The following ZNF804B variants were observed in gnomAD, a reference collection of about 807,000 sequenced individuals.
ZNF804B encodes the protein zinc finger 804B.
Under a neutral mutation model 101.4 loss-of-function variants are expected in ZNF804B, and 80 were observed. The observed-to-expected ratio is 0.79, with a 90% CI of 0.66 to 0.95. The LOEUF (loss-of-function observed/expected upper bound fraction) is 0.95, where lower values mean the gene tolerates loss of function less well. Among genes scored for constraint, ZNF804B ranks in the 40% least tolerant of loss-of-function variants. The probability of loss-of-function intolerance (pLI) is 0.00; values close to 1 mark genes in which losing one functional copy is unlikely to be tolerated. For synonymous variants in ZNF804B, 622 were observed against 558.8 expected (o/e 1.11, Z -1.59); for missense variants, 1,673 against 1,561.9 (o/e 1.07, Z -1.20).
intron 1 of ZNF804B, among the ~76,000 whole-genome samples, chr7:89,007,246 A>G (rs1382771347): frequency 1.3e-5 from 2 of 151,740 alleles, no homozygotes; most frequent in Non-Finnish European, 1.5e-5. Flanking sequence ...ATGAGATTCC[A>G]TCTCTTAATT....
chr7:88,966,002 A>G (rs1306248798), intron 1 of ZNF804B, among the ~76,000 whole-genome samples: 2 of 151,470 alleles, frequency 1.3e-5, no homozygotes, highest in African/African-American at 4.8e-5. Flanking sequence ...CTTTTAATAT[A>G]TGTGTTATCT....
rs191647382 is a variant in ZNF804B, at chr7:88,991,439, G to A, written c.109-226716G>A. Among the ~76,000 whole-genome samples, 216 of 152,270 alleles carry A rather than the reference G, an allele frequency of 1.4e-3. 1 individual carries two copies. The highest frequency in any genetic ancestry group is 5.1e-3 in the African/African-American group (212 of 41,570). ...ATTCAGTGGATGATGTATATGCCCTGCTGGGCTTGACTCTGTGACGCTCTG... is the reference window on the plus strand; with the variant it reads ...ATTCAGTGGATGATGTATATGCCCTACTGGGCTTGACTCTGTGACGCTCTG... On this transcript the variant is annotated intron_variant, in intron 1 of 3. Transcript: ENST00000333190.
rs749438461 is a variant in ZNF804B at position 89,333,710 on chromosome 7, A to G, written c.728A>G (p.Glu243Gly). 6.2e-6 allele frequency: 10 copies of G among 1,613,574 alleles called. No homozygotes were observed. The highest frequency in any genetic ancestry group is 7.6e-6 in the Non-Finnish European group (9 of 1,179,736). Residue 243 changes from glutamate (E) to glycine (G), a missense_variant, in exon 4 of 4, where the codon GAA (glutamate) becomes GGA (glycine). By Grantham distance (98) the Glu-to-Gly change is moderately conservative. Transcript: ENST00000333190. Reference protein sequence around the residue: ...SSASVFSENTEETHDCNKSPI... With the variant: ...SSASVFSENTGETHDCNKSPI... ...GCATCAGTTTTCAGTGAGAACACAG[A>G]AGAAACCCATGATTGTAACAAGTCA... is the stretch of plus-strand genomic sequence containing the variant.
At chr7:88,945,149 A>G (rs1793108914) in intron 1 of ZNF804B, among the ~76,000 whole-genome samples, 1 of 152,032 alleles carries the variant, frequency 6.6e-6, no homozygotes, top group South Asian at 2.1e-4. Context: ...TGTTTTAGTC[A>G]TGAAGTCTTT....
At chr7:88,905,575 C>G (rs1198095584) in intron 1 of ZNF804B, among the ~76,000 whole-genome samples, 2 of 151,966 alleles carry the variant, frequency 1.3e-5, no homozygotes, top group Admixed American at 1.3e-4. Flanking sequence ...GCCAGGCTAG[C>G]CTTGAACTGC....
At chr7:89,193,870 T>C (rs1249419143) in intron 1 of ZNF804B, among the ~76,000 whole-genome samples, 1 of 152,068 alleles carries the variant, frequency 6.6e-6, no homozygotes, top group Non-Finnish European at 1.5e-5. Flanking sequence ...TAGTTCTAGA[T>C]CCCTGAGGAA....
chr7:88,876,661 T>G (rs1203115151), intron 1 of ZNF804B, among the ~76,000 whole-genome samples: 9 of 152,058 alleles, frequency 5.9e-5, no homozygotes, highest in Non-Finnish European at 1.0e-4. Flanking sequence ...TTGTTTGCTG[T>G]TAAGTTCATG....
At chr7:89,083,001 T>C in intron 1 of ZNF804B, among the ~76,000 whole-genome samples, 1 of 151,804 alleles carries the variant, frequency 6.6e-6, no homozygotes, top group Middle Eastern at 3.4e-3. Context: ...TTAATAATAA[T>C]CTGTGTTTTG....
chr7:89,207,996 T>C (rs1036915317), intron 1 of ZNF804B, among the ~76,000 whole-genome samples: 4 of 152,138 alleles, frequency 2.6e-5, no homozygotes, highest in Non-Finnish European at 4.4e-5. Flanking sequence ...GAGAAACTGA[T>C]AGTCTTTCCA....
intron 1 of ZNF804B, among the ~76,000 whole-genome samples, chr7:88,999,659 A>G (rs941815757): frequency 6.6e-6 from 1 of 152,012 alleles, no homozygotes; most frequent in African/African-American, 2.4e-5. Flanking sequence ...TTAAAATAGC[A>G]TTTTATGGAG....
chr7:88,846,700 CAAAA>C (rs1188566485), intron 1 of ZNF804B, among the ~76,000 whole-genome samples: 1 of 148,410 alleles, frequency 6.7e-6, no homozygotes, highest in Non-Finnish European at 1.5e-5. Context: ...AGATGAAAAA[CAAAA>C]AAAGGGTATA....
chr7:89,304,597 A>G (rs1180632610), intron 2 of ZNF804B, among the ~76,000 whole-genome samples: 1 of 151,932 alleles, frequency 6.6e-6, no homozygotes, highest in Non-Finnish European at 1.5e-5. Context: ...TAAAAAAGCT[A>G]AAGAGGAACT....
intron 2 of ZNF804B, among the ~76,000 whole-genome samples, chr7:89,267,131 C>T (rs925380754): frequency 6.6e-6 from 1 of 152,134 alleles, no homozygotes; most frequent in Non-Finnish European, 1.5e-5. Flanking sequence ...ATATTCCCTC[C>T]TTTTCATTTG....
intron 1 of ZNF804B, among the ~76,000 whole-genome samples, chr7:88,889,975 TTTCA>T (rs1218109474): frequency 4.6e-5 from 7 of 152,156 alleles, no homozygotes; most frequent in African/African-American, 1.7e-4. Flanking sequence ...AGGGGTCTAG[TTTCA>T]TTCTTCTACA....
chr7:89,265,316 GCA>G (rs1562931406), intron 2 of ZNF804B, among the ~76,000 whole-genome samples: 1 of 151,888 alleles, frequency 6.6e-6, no homozygotes, highest in Admixed American at 6.6e-5. Flanking sequence ...GCGCACACAT[GCA>G]CGTGCACAGG....
chr7:89,271,721 C>T (rs142474504), intron 2 of ZNF804B, among the ~76,000 whole-genome samples: 18,532 of 151,990 alleles, frequency 0.12, 1,215 homozygotes, highest in Middle Eastern at 0.26. Context: ...GGTTGATAAG[C>T]TATTAATTAT....
chr7:88,781,768 G>A (rs1271371227), intron 1 of ZNF804B, among the ~76,000 whole-genome samples: 1 of 152,090 alleles, frequency 6.6e-6, no homozygotes, highest in Non-Finnish European at 1.5e-5. Context: ...TATGAAACCT[G>A]GGATTCTTTC....
Position 89,080,293 on chromosome 7 carries a change from T to C in ZNF804B, c.109-137862T>C, listed in dbSNP as rs1332896846. 3.0e-5 allele frequency among the ~76,000 whole-genome samples: 4 copies of C among 131,708 alleles called. No individual in the cohort carries two copies. The East Asian group carries it at 1.1e-3, about 36-fold the overall frequency. The allele number at this position is 131,708 out of a possible 152,430, so 86.4% of individuals were successfully genotyped here. A position where few individuals can be genotyped will look rare whatever the true frequency, so the allele number is the denominator to read the frequency against. On this transcript the variant is annotated intron_variant, in intron 1 of 3. Coordinates refer to ENST00000333190, the MANE Select transcript of ZNF804B (RefSeq NM_181646.5). The stretch of plus-strand genomic sequence containing the variant: ...ATCACATAGCTTCAGTCTCTTCACC[T>C]TAAAAAAAAAAAAGTATATCATTTG...
chr7:88,977,851 T>C (rs1793638112), intron 1 of ZNF804B, among the ~76,000 whole-genome samples: 1 of 151,706 alleles, frequency 6.6e-6, no homozygotes, highest in South Asian at 2.1e-4. Flanking sequence ...TTTCTTTTTT[T>C]TAATGTTTGC....
Sources: gnomAD v4.1 joint callset for allele counts (sites outside exome capture counted in the v4.1 genomes callset) on GRCh38, gnomAD v4.1.1 for gene constraint, MANE v1.5 for transcripts, NCBI Gene and HGNC (gene_info 2026-07-23, HGNC 2026-07-21) for gene names.